KCNIP4: variants seen among roughly 807,000 people sequenced by gnomAD.
KCNIP4 encodes the protein Kv channel-interacting protein 4.
A neutral mutation model predicts 34.0 loss-of-function variants in KCNIP4; 12 were observed. The ratio of observed to expected loss-of-function variants is 0.35; its 90% confidence interval spans 0.23 to 0.57. The LOEUF is 0.57. Ranked by LOEUF, KCNIP4 falls within the 20% of genes least tolerant of loss-of-function variation. The pLI, the probability that KCNIP4 is intolerant of heterozygous loss-of-function variation, is 0.83. For missense variants in KCNIP4, 238 were observed against 311.7 expected, an observed-to-expected ratio of 0.76 and a Z score of 1.78; for synonymous variants, 124 against 102.2, an observed-to-expected ratio of 1.21 and a Z score of -1.29.
chr4:21,509,712 T>C (rs1419124960), intron 1 of KCNIP4, among the ~76,000 whole-genome samples: 1 of 152,166 alleles, frequency 6.6e-6, no homozygotes, highest in Non-Finnish European at 1.5e-5. Flanking sequence ...GACTTTTGTT[T>C]TTGAGTGAAA....
intron 1 of KCNIP4, among the ~76,000 whole-genome samples, chr4:21,024,586 C>T (rs1740363099): frequency 1.3e-5 from 2 of 152,028 alleles, no homozygotes; most frequent in Non-Finnish European, 2.9e-5. Flanking sequence ...CAATGAAACC[C>T]CTATATGTTT....
intron 1 of KCNIP4, among the ~76,000 whole-genome samples, chr4:21,305,425 A>G (rs1036327206): frequency 5.3e-5 from 8 of 152,218 alleles, no homozygotes; most frequent in Admixed American, 5.2e-4. Flanking sequence ...AATGAGTGAC[A>G]CTTTTAGAAA....
intron 1 of KCNIP4, among the ~76,000 whole-genome samples, chr4:21,028,725 G>A (rs1275326354): frequency 2.0e-5 from 3 of 152,152 alleles, no homozygotes; most frequent in Non-Finnish European, 4.4e-5. Flanking sequence ...AATCTGGTGG[G>A]GAAAGATGAT....
At chr4:20,825,846 G>T (rs1249879640) in intron 3 of KCNIP4, among the ~76,000 whole-genome samples, 1 of 152,162 alleles carries the variant, frequency 6.6e-6, no homozygotes, top group Non-Finnish European at 1.5e-5. Flanking sequence ...CCTTGAAGAT[G>T]AAAGAATTCT....
At chr4:21,870,181 T>TA (rs1264247978) in intron 1 of KCNIP4, among the ~76,000 whole-genome samples, 6 of 152,150 alleles carry the variant, frequency 3.9e-5, no homozygotes, top group African/African-American at 1.4e-4. Context: ...GTTTGCAAGG[T>TA]AAACTCTTTT....
In KCNIP4 at chr4:20,788,861, A is replaced by G. The variant is rs540568529; in HGVS notation, c.289-29971T>C. Among the ~76,000 whole-genome samples the G allele has an allele frequency of 2.0e-5, 3 of 152,274 alleles. No homozygotes were observed. The East Asian group carries it at 5.8e-4, about 29-fold the overall frequency. Reference sequence around the variant, plus strand: ...AAGACTTCTAAGGATTTAAATTAAGAGTATCACAGTGAGGAGGAAGGAGGA... The same window carrying G: ...AAGACTTCTAAGGATTTAAATTAAGGGTATCACAGTGAGGAGGAAGGAGGA... On this transcript the variant is annotated intron_variant, in intron 3 of 8. Transcript: ENST00000382152.
intron 1 of KCNIP4, among the ~76,000 whole-genome samples, chr4:20,985,348 C>T (rs1174245816): frequency 6.6e-6 from 1 of 152,150 alleles, no homozygotes; most frequent in African/African-American, 2.4e-5. Flanking sequence ...TAAGCACTTA[C>T]TATGTGCTCA....
intron 1 of KCNIP4, among the ~76,000 whole-genome samples, chr4:21,507,422 G>A (rs551740310): frequency 5.3e-5 from 8 of 151,728 alleles, no homozygotes; most frequent in African/African-American, 7.3e-5. Flanking sequence ...ATGCCGACAC[G>A]ACCAGCTAAT....
At chr4:21,761,248 C>G (rs1457439962) in intron 1 of KCNIP4, among the ~76,000 whole-genome samples, 1 of 151,956 alleles carries the variant, frequency 6.6e-6, no homozygotes, top group East Asian at 1.9e-4. Context: ...ACTACAAGAC[C>G]TATCTATAAC....
intron 1 of KCNIP4, among the ~76,000 whole-genome samples, chr4:21,866,263 T>C (rs1275353192): frequency 6.6e-6 from 1 of 152,204 alleles, no homozygotes; most frequent in African/African-American, 2.4e-5. Flanking sequence ...ACAGCAAGTC[T>C]TCTCCATTTG....
chr4:21,284,823 G>A (rs1282271265), intron 1 of KCNIP4, among the ~76,000 whole-genome samples: 1 of 151,864 alleles, frequency 6.6e-6, no homozygotes, highest in Non-Finnish European at 1.5e-5. Context: ...AAATGTAACC[G>A]ACGTGAGCAC....
intron 1 of KCNIP4, among the ~76,000 whole-genome samples, chr4:21,469,518 C>T (rs1730277491): frequency 6.6e-6 from 1 of 152,116 alleles, no homozygotes; most frequent in African/African-American, 2.4e-5. Flanking sequence ...TGATTACAAG[C>T]ATCTTTTAAA....
intron 1 of KCNIP4, among the ~76,000 whole-genome samples, chr4:21,728,548 A>G (rs1372203772): frequency 1.3e-5 from 2 of 152,144 alleles, no homozygotes; most frequent in Non-Finnish European, 1.5e-5. Context: ...CTTTTAAAAC[A>G]TAATTCAAAT....
chr4:21,010,698 T>C (rs539085486), intron 1 of KCNIP4, among the ~76,000 whole-genome samples: 9 of 152,330 alleles, frequency 5.9e-5, no homozygotes, highest in Non-Finnish European at 8.8e-5. Context: ...AATTACAATA[T>C]AGACCTTTTC....
intron 1 of KCNIP4, among the ~76,000 whole-genome samples, chr4:21,918,975 G>A (rs377276234): frequency 6.6e-6 from 1 of 152,148 alleles, no homozygotes; most frequent in Non-Finnish European, 1.5e-5. Flanking sequence ...ATTGACCCCA[G>A]TAGGGACCAT....
intron 3 of KCNIP4, among the ~76,000 whole-genome samples, chr4:20,831,314 T>G (rs1227819530): frequency 6.6e-6 from 1 of 152,170 alleles, no homozygotes; most frequent in East Asian, 1.9e-4. Flanking sequence ...AAGGTAAAAC[T>G]CAGTGTCAGA....
chr4:21,268,982 A>G (rs1448714534), intron 1 of KCNIP4, among the ~76,000 whole-genome samples: 5 of 152,196 alleles, frequency 3.3e-5, no homozygotes, highest in Non-Finnish European at 5.9e-5. Context: ...TTATAAACCT[A>G]CAAGTACTTC....
intron 1 of KCNIP4, among the ~76,000 whole-genome samples, chr4:21,374,528 G>T (rs1456656868): frequency 6.8e-6 from 1 of 147,262 alleles, no homozygotes; most frequent in South Asian, 2.1e-4. Flanking sequence ...AGAGATTTGG[G>T]TGGGGACATA....
At chr4:21,570,536 A>T (rs920000854) in intron 1 of KCNIP4, among the ~76,000 whole-genome samples, 2 of 152,166 alleles carry the variant, frequency 1.3e-5, no homozygotes, top group Admixed American at 6.5e-5. Flanking sequence ...AAATAAGTCT[A>T]AAAAGGGAGG....
Sources: allele counts gnomAD v4.1 joint callset (sites outside exome capture counted in the v4.1 genomes callset), GRCh38; gene constraint gnomAD v4.1.1; transcripts MANE v1.5; gene names NCBI Gene and HGNC (gene_info 2026-07-23, HGNC 2026-07-21).